The following CDH12 variants were observed in gnomAD, a reference collection of about 807,000 sequenced individuals.
CDH12 encodes cadherin 12.
CDH12 carries 41 observed loss-of-function variants against 74.1 expected under a neutral mutation model. The observed-to-expected ratio is 0.55, with a 90% CI of 0.43 to 0.72. CDH12 has a LOEUF of 0.72. CDH12 is among the 30% of genes least tolerant of loss of function. The pLI, the probability that CDH12 is intolerant of heterozygous loss-of-function variation, is 0.00. For synonymous variants in CDH12, 399 were observed against 355.0 expected, an observed-to-expected ratio of 1.12 and a Z score of -1.39; for missense variants, 945 against 977.2, an observed-to-expected ratio of 0.97 and a Z score of 0.44.
chr5:22,459,919 G>T (rs770821509), intron 2 of CDH12, among the ~76,000 whole-genome samples: 44 of 151,260 alleles, frequency 2.9e-4, no homozygotes, highest in Non-Finnish European at 5.6e-4. Context: ...AGTGAGCCGA[G>T]ATCACACCAC....
At chr5:22,541,901 C>T (rs1738118399) in intron 1 of CDH12, among the ~76,000 whole-genome samples, 1 of 152,188 alleles carries the variant, frequency 6.6e-6, no homozygotes, top group East Asian at 1.9e-4. Flanking sequence ...CCAGTGTCAA[C>T]ACTCTATACC....
intron 8 of CDH12, among the ~76,000 whole-genome samples, chr5:21,824,339 G>A (rs577523567): frequency 6.6e-6 from 1 of 152,178 alleles, no homozygotes; most frequent in South Asian, 2.1e-4. Context: ...GCACTTGGGG[G>A]CAGCTCTTGG....
chr5:22,827,029 T>C (rs191166008), intron 1 of CDH12, among the ~76,000 whole-genome samples: 2 of 152,322 alleles, frequency 1.3e-5, no homozygotes, highest in Admixed American at 1.3e-4. Flanking sequence ...AAGAGACCTT[T>C]GCAGCAGCCC....
At chr5:22,838,651 C>CTGTGTGTGTGTGTG (rs369033220) in intron 1 of CDH12, among the ~76,000 whole-genome samples, 3 of 143,858 alleles carry the variant, frequency 2.1e-5, no homozygotes, top group Non-Finnish European at 4.5e-5. Context: ...GTGAGAGTGT[C>CTGTGTGTGTGTGTG]TGTGTGTGTG....
chr5:22,543,961 T>C (rs944226297), intron 1 of CDH12, among the ~76,000 whole-genome samples: 1 of 152,090 alleles, frequency 6.6e-6, no homozygotes, highest in African/African-American at 2.4e-5. Flanking sequence ...GACAAGTCTG[T>C]GATCTGCTAA....
intron 3 of CDH12, among the ~76,000 whole-genome samples, chr5:22,350,270 A>C (rs779661307): frequency 2.0e-5 from 3 of 152,210 alleles, no homozygotes; most frequent in Admixed American, 1.3e-4. Context: ...GAAAATACTT[A>C]ATGATATATG....
At chr5:22,451,060 C>A (rs1024965506) in intron 2 of CDH12, among the ~76,000 whole-genome samples, 1 of 151,834 alleles carries the variant, frequency 6.6e-6, no homozygotes, top group East Asian at 1.9e-4. Context: ...CCTAGTGATT[C>A]TCTGTTACAT....
At chr5:22,238,475 C>T (rs1398895323) in intron 3 of CDH12, among the ~76,000 whole-genome samples, 1 of 152,056 alleles carries the variant, frequency 6.6e-6, no homozygotes, top group Non-Finnish European at 1.5e-5. Context: ...ATAAGATTGC[C>T]TTTGAGCTCT....
At chr5:21,957,090 G>A (rs1376620011) in intron 6 of CDH12, among the ~76,000 whole-genome samples, 2 of 152,034 alleles carry the variant, frequency 1.3e-5, no homozygotes, top group Non-Finnish European at 2.9e-5. Flanking sequence ...GTAGACTCCG[G>A]TGTCTGCTGT....
intron 1 of CDH12, among the ~76,000 whole-genome samples, chr5:22,613,083 T>C (rs747326625): frequency 6.6e-6 from 1 of 152,046 alleles, no homozygotes. Context: ...GTGATAAGCA[T>C]CTTAATGTGA....
intron 3 of CDH12, among the ~76,000 whole-genome samples, chr5:22,226,331 TTTAATTTAA>T (rs1752194176): frequency 3.3e-5 from 5 of 152,106 alleles, no homozygotes; most frequent in Middle Eastern, 6.8e-3. Flanking sequence ...GTAGTCCTAA[TTTAATTTAA>T]TGCACCCTAT....
chr5:22,505,174 T>A (rs1157812885), intron 2 of CDH12, 96 bp downstream of exon 2: 1 of 217,994 alleles, frequency 4.6e-6, no homozygotes, highest in Non-Finnish European at 7.8e-6. Context: ...TTCTAATAAA[T>A]TTTTTTAAGT....
intron 1 of CDH12, among the ~76,000 whole-genome samples, chr5:22,664,532 G>A (rs182275389): frequency 1.3e-5 from 2 of 152,240 alleles, no homozygotes; most frequent in South Asian, 2.1e-4. Flanking sequence ...CCCTTGACTC[G>A]TAGGGATTAT....
chr5:22,185,200 T>TC (rs373424464), intron 4 of CDH12, among the ~76,000 whole-genome samples: 12,494 of 52,222 alleles, frequency 0.24, 531 homozygotes, highest in South Asian at 0.31. Context: ...TCTCTCTCTC[T>TC]TTTTTTTTTT....
intron 6 of CDH12, among the ~76,000 whole-genome samples, chr5:21,937,787 C>G (rs1234655687): frequency 6.6e-6 from 1 of 152,158 alleles, no homozygotes; most frequent in East Asian, 1.9e-4. Flanking sequence ...GGGCCATGCT[C>G]ACACACAGAT....
intron 1 of CDH12, among the ~76,000 whole-genome samples, chr5:22,571,158 A>T (rs760599615): frequency 6.6e-6 from 1 of 152,048 alleles, no homozygotes; most frequent in Non-Finnish European, 1.5e-5. Flanking sequence ...TCTCCATATC[A>T]ACAATAAGGC....
chr5:22,731,529 A>G (rs1225519352), intron 1 of CDH12, among the ~76,000 whole-genome samples: 2 of 151,916 alleles, frequency 1.3e-5, no homozygotes, highest in Non-Finnish European at 2.9e-5. Flanking sequence ...CTATAAGACA[A>G]AAGACTAAAA....
chr5:22,323,277 A>G (rs1738958588), intron 3 of CDH12, among the ~76,000 whole-genome samples: 1 of 152,166 alleles, frequency 6.6e-6, no homozygotes, highest in African/African-American at 2.4e-5. Context: ...CCTGTTATAT[A>G]TAATTCATAG....
At chr5:22,315,525 G>A (rs1439497283) in intron 3 of CDH12, among the ~76,000 whole-genome samples, 2 of 152,054 alleles carry the variant, frequency 1.3e-5, no homozygotes, top group Non-Finnish European at 2.9e-5. Context: ...AGAAAATGTA[G>A]GAGAATGAAA....
Sources: gnomAD v4.1 joint callset for allele counts (sites outside exome capture counted in the v4.1 genomes callset) on GRCh38, gnomAD v4.1.1 for gene constraint, MANE v1.5 for transcripts, NCBI Gene and HGNC (gene_info 2026-07-23, HGNC 2026-07-21) for gene names.